Variants in SCIN observed in about 807,000 individuals in gnomAD.
SCIN encodes scinderin.
Under a neutral mutation model 91.8 loss-of-function variants are expected in SCIN, and 91 were observed. That is an observed-to-expected ratio of 0.99 (90% CI 0.84 to 1.18). The LOEUF (loss-of-function observed/expected upper bound fraction) is 1.18, where lower values mean the gene tolerates loss of function less well. Among genes scored for constraint, SCIN ranks in the 50% most tolerant of loss-of-function variants. The pLI, the probability that SCIN is intolerant of heterozygous loss-of-function variation, is 0.00. For synonymous variants in SCIN, 367 were observed against 312.6 expected, an observed-to-expected ratio of 1.17 and a Z score of -1.84; for missense variants, 1,087 against 863.9, an observed-to-expected ratio of 1.26 and a Z score of -3.24.
chr7:12,572,548 G>A lies in SCIN; in HGVS notation c.199+1563G>A, dbSNP rs191818310. On this transcript the variant is annotated intron_variant, in intron 1 of 15. Coordinates refer to ENST00000297029, the MANE Select transcript of SCIN (RefSeq NM_001112706.3). ...ATAATGCCATATCTTACTGTAGACA[G>A]CAGTTAAGTTTGACTTTGTCAGATG... 2.9e-3 allele frequency among the ~76,000 whole-genome samples: 442 copies of A among 152,320 alleles called. 3 individuals carry two copies. Among genetic ancestry groups the A allele is most frequent in the African/African-American group, 9.7e-3 (405 of 41,568 alleles).
chr7:12,596,569 CG>C, intron 3 of SCIN: 2 of 403,570 alleles, frequency 5.0e-6, no homozygotes, highest in South Asian at 3.7e-5. Context: ...CTCATGCCTG[CG>C]TAACTACCTG....
chr7:12,617,079 T>G (rs950916295), intron 4 of SCIN, among the ~76,000 whole-genome samples: 2 of 151,882 alleles, frequency 1.3e-5, no homozygotes, highest in Non-Finnish European at 1.5e-5. Flanking sequence ...CATGAGGAGG[T>G]GTGTGGCAAG....
At chr7:12,612,541 A>C (rs1443491727) in intron 4 of SCIN, among the ~76,000 whole-genome samples, 1 of 152,172 alleles carries the variant, frequency 6.6e-6, no homozygotes, top group Non-Finnish European at 1.5e-5. Flanking sequence ...CCTGAAATCC[A>C]AAGTATTACA....
intron 3 of SCIN, among the ~76,000 whole-genome samples, chr7:12,604,250 T>C (rs555628646): frequency 1.3e-5 from 2 of 152,232 alleles, no homozygotes; most frequent in South Asian, 4.1e-4. Context: ...TCCATATGTT[T>C]ACTTTTATAA....
At chr7:12,578,296 C>A in intron 2 of SCIN, 78 bp downstream of exon 2, 2 of 1,334,420 alleles carry the variant, frequency 1.5e-6, no homozygotes, top group Non-Finnish European at 1.0e-6. Flanking sequence ...CATAGAATGA[C>A]AGTTCGTTGA....
Position 12,657,572 on chromosome 7 carries a change from A to ATTTT in SCIN, c.*4880_*4883dup, listed in dbSNP as rs71030521. On this transcript the variant is annotated 3_prime_UTR_variant, in exon 16 of 16. Transcript: ENST00000297029. ...TATATATATATATATATATATATATATTTTTTTTTTTTTTTTTTTTTTTTT... is the reference window on the plus strand; with the variant it reads ...TATATATATATATATATATATATATATTTTTTTTTTTTTTTTTTTTTTTTTTTTT... 30 of 22,074 alleles carry ATTTT rather than the reference A, an allele frequency of 1.4e-3. 1 individual carries two copies. Among genetic ancestry groups the ATTTT allele is most frequent in the East Asian group, 4.0e-3 (1 of 252 alleles). 1.4% of individuals were successfully genotyped at this position (22,074 alleles called of 1,614,324 possible).
rs148045239 is a variant in SCIN at position 12,642,992 on chromosome 7, T to A, written c.1582-1146T>A. Among the ~76,000 whole-genome samples, 772 of 152,310 alleles carry A rather than the reference T, an allele frequency of 5.1e-3. 5 individuals are homozygous for A. The highest frequency in any genetic ancestry group is 0.018 in the African/African-American group (744 of 41,564). ...TCTGTGTTTAATTATGACTATTTTTTTGACATTTAAAAACTATCAAAATGA... is the reference window on the plus strand; with the variant it reads ...TCTGTGTTTAATTATGACTATTTTTATGACATTTAAAAACTATCAAAATGA... On this transcript the variant is annotated intron_variant, in intron 11 of 15. Coordinates refer to ENST00000297029, the MANE Select transcript of SCIN (RefSeq NM_001112706.3).
intron 5 of SCIN, 43 bp downstream of exon 5, chr7:12,622,936 A>T (rs771043555): frequency 6.9e-7 from 1 of 1,448,726 alleles, no homozygotes; most frequent in East Asian, 2.3e-5. Flanking sequence ...ACAGTACTGG[A>T]TGTAGCTAGG....
chr7:12,612,011 CCCT>C (rs1400903348), intron 4 of SCIN, among the ~76,000 whole-genome samples: 1 of 151,678 alleles, frequency 6.6e-6, no homozygotes, highest in Non-Finnish European at 1.5e-5. Flanking sequence ...TTTTCTGTTG[CCCT>C]CCTATTTTTT....
chr7:12,659,686 G>C lies in SCIN; in HGVS notation c.*6971G>C, dbSNP rs1784226998. On this transcript the variant is annotated 3_prime_UTR_variant, in exon 16 of 16. Transcript: ENST00000297029. ...TAGTCTGAGCCATATTTAGTGTCTT[G>C]AAAGAGCCACAGTGGCTGGCTAAAA... 1 of 152,950 alleles carries C rather than the reference G, an allele frequency of 6.5e-6. No individual in the cohort carries two copies. Among genetic ancestry groups the C allele is most frequent in the Non-Finnish European group, 1.5e-5 (1 of 68,528 alleles). The allele number at this position is 152,950 out of a possible 1,614,324, so 9.5% of individuals were successfully genotyped here.
rs1783592657 is a variant in SCIN at position 12,629,176 on chromosome 7, T to A, written c.1273T>A (p.Tyr425Asn). ...TGGTGAATTCTATGGTGGTGACTGCTACATCATACTCTACACCTATCCCAG... is the reference window on the plus strand; with the variant it reads ...TGGTGAATTCTATGGTGGTGACTGCAACATCATACTCTACACCTATCCCAG... ...SYGEFYGGDC[Y>N]IILYTYPRGQ... The change falls in exon 9 of 16, where the codon TAC (tyrosine) becomes AAC (asparagine). Residue 425 changes from tyrosine to asparagine, a missense_variant. Coordinates refer to ENST00000297029, the MANE Select transcript of SCIN (RefSeq NM_001112706.3). 6.2e-7 allele frequency: 1 copy of A among 1,613,190 alleles called. No homozygotes were observed. The highest frequency in any genetic ancestry group is 8.5e-7 in the Non-Finnish European group (1 of 1,179,434).
chr7:12,608,710 C>G (rs1039591002), intron 4 of SCIN, among the ~76,000 whole-genome samples: 1 of 152,158 alleles, frequency 6.6e-6, no homozygotes, highest in African/African-American at 2.4e-5. Flanking sequence ...AACTCCTGAC[C>G]TTGTGATCCG....
chr7:12,592,024 GT>G (rs1213050083), intron 3 of SCIN, among the ~76,000 whole-genome samples: 3 of 152,284 alleles, frequency 2.0e-5, no homozygotes, highest in African/African-American at 7.2e-5. Flanking sequence ...AGGAAGTAAG[GT>G]TTCGGGCTAG....
intron 5 of SCIN, 74 bp downstream of exon 5, chr7:12,622,967 T>G: frequency 2.9e-6 from 3 of 1,022,106 alleles, no homozygotes; most frequent in Non-Finnish European, 4.4e-6. Context: ...TTGGGCGGGA[T>G]TCCCGTTGCT....
rs1275127038 is a variant in SCIN at position 12,654,184 on chromosome 7, A to G, written c.*1469A>G. 3 of 152,158 alleles carry G rather than the reference A, an allele frequency of 2.0e-5. No homozygotes were observed. Among genetic ancestry groups the G allele is most frequent in the African/African-American group, 4.8e-5 (2 of 41,434 alleles). 9.4% of individuals were successfully genotyped at this position (152,158 alleles called of 1,614,324 possible). A position where few individuals can be genotyped will look rare whatever the true frequency, so the allele number is the denominator to read the frequency against. On this transcript the variant is annotated 3_prime_UTR_variant, in exon 16 of 16. Coordinates refer to ENST00000297029, the MANE Select transcript of SCIN (RefSeq NM_001112706.3). ...GAATTTTTCTCATCCTTCATGTGGA[A>G]TGAAAAAACTAAAGAGACAACTGAC...
At chr7:12,572,816 A>C (rs542210167) in intron 1 of SCIN, among the ~76,000 whole-genome samples, 3 of 152,356 alleles carry the variant, frequency 2.0e-5, no homozygotes, top group African/African-American at 4.8e-5. Context: ...AAGCAAATTC[A>C]TTCAGTAATT....
chr7:12,618,730 C>A (rs1562618473), intron 4 of SCIN, among the ~76,000 whole-genome samples: 1 of 152,120 alleles, frequency 6.6e-6, no homozygotes, highest in East Asian at 1.9e-4. Flanking sequence ...TTCACTCTTA[C>A]AATTTATTTC....
At chr7:12,636,243 T>TG in intron 10 of SCIN, 108 bp downstream of exon 10, 1 of 711,806 alleles carries the variant, frequency 1.4e-6, no homozygotes, top group Non-Finnish European at 2.4e-6. Flanking sequence ...ATTTTCTTGA[T>TG]ATGAACTGTG....
At chr7:12,593,396 T>C (rs1782767645) in intron 3 of SCIN, among the ~76,000 whole-genome samples, 1 of 152,258 alleles carries the variant, frequency 6.6e-6, no homozygotes, top group Admixed American at 6.5e-5. Flanking sequence ...CCTTTTTAAG[T>C]TTGTGCCGGA....
Sources: gnomAD v4.1 joint callset for allele counts (sites outside exome capture counted in the v4.1 genomes callset) on GRCh38, gnomAD v4.1.1 for gene constraint, MANE v1.5 for transcripts, NCBI Gene and HGNC (gene_info 2026-07-23, HGNC 2026-07-21) for gene names.